The following LRRC8D variants were observed in gnomAD, a reference collection of about 807,000 sequenced individuals.
The protein encoded by LRRC8D is volume-regulated anion channel subunit LRRC8D.
LRRC8D carries 20 observed loss-of-function variants against 55.8 expected under a neutral mutation model. The observed-to-expected ratio is 0.36, with a 90% confidence interval of 0.25 to 0.52. The LOEUF is 0.52. Among genes scored for constraint, LRRC8D ranks in the 20% least tolerant of loss-of-function variants. LRRC8D has a pLI of 0.93. For synonymous variants in LRRC8D, 352 were observed against 377.0 expected (o/e 0.93, Z 0.77); for missense variants, 651 against 1,030.8 (o/e 0.63, Z 5.05).
At chr1:89,931,490 G>A (rs1663703943) in intron 2 of LRRC8D, among the ~76,000 whole-genome samples, 1 of 152,136 alleles carries the variant, frequency 6.6e-6, no homozygotes, top group Non-Finnish European at 1.5e-5. Flanking sequence ...GTTGGGTGTG[G>A]TGGCTCACAC....
Position 89,869,622 on chromosome 1 carries a change from C to T in LRRC8D, c.-3+25840C>T, listed in dbSNP as rs927004376. 3.3e-5 allele frequency among the ~76,000 whole-genome samples: 5 copies of T among 152,152 alleles called. 1 individual carries two copies. Among genetic ancestry groups the T allele is most frequent in the African/African-American group, 1.2e-4 (5 of 41,440 alleles). ...AAATACAGAGAACACCACAAAGATA[C>T]TCCTCAAGAAGAGCAACCACAAGAC... On this transcript the variant is annotated intron_variant, in intron 2 of 2. Transcript: ENST00000337338.
chr1:89,927,321 G>A (rs181691739), intron 2 of LRRC8D, among the ~76,000 whole-genome samples: 6 of 152,342 alleles, frequency 3.9e-5, no homozygotes, highest in Middle Eastern at 6.8e-3. Flanking sequence ...TTTTATTGAA[G>A]TGGAAGCCTG....
intron 1 of LRRC8D, among the ~76,000 whole-genome samples, chr1:89,834,350 G>A (rs564021880): frequency 1.3e-5 from 2 of 152,194 alleles, no homozygotes; most frequent in East Asian, 1.9e-4. Flanking sequence ...TATCATGTTA[G>A]TGCATTTCAG....
intron 2 of LRRC8D, among the ~76,000 whole-genome samples, chr1:89,915,794 A>G (rs527476052): frequency 1.8e-4 from 27 of 152,232 alleles, no homozygotes; most frequent in Non-Finnish European, 3.5e-4. Flanking sequence ...TATGCAAAAT[A>G]ATTTTTCAAA....
At chr1:89,895,709 T>C (rs1418619389) in intron 2 of LRRC8D, among the ~76,000 whole-genome samples, 1 of 152,224 alleles carries the variant, frequency 6.6e-6, no homozygotes, top group Admixed American at 6.5e-5. Flanking sequence ...GTAAGCTAAA[T>C]TATTTTTAGA....
At chr1:89,905,097 T>A (rs1662957362) in intron 2 of LRRC8D, among the ~76,000 whole-genome samples, 1 of 152,180 alleles carries the variant, frequency 6.6e-6, no homozygotes, top group Admixed American at 6.6e-5. Context: ...CATGCTGCCC[T>A]TCAGATTTAT....
chr1:89,916,584 C>A (rs1487457140), intron 2 of LRRC8D, among the ~76,000 whole-genome samples: 3 of 152,152 alleles, frequency 2.0e-5, no homozygotes, highest in Non-Finnish European at 4.4e-5. Flanking sequence ...TTTAAGTCTT[C>A]ATTACGCTTT....
chr1:89,870,103 G>A (rs890496383), intron 2 of LRRC8D, among the ~76,000 whole-genome samples: 18 of 151,668 alleles, frequency 1.2e-4, no homozygotes, highest in Non-Finnish European at 2.4e-4. Flanking sequence ...GCAAGACTCC[G>A]TCTCAAAAAA....
chr1:89,928,911 C>T (rs1663632754), intron 2 of LRRC8D, among the ~76,000 whole-genome samples: 1 of 152,118 alleles, frequency 6.6e-6, no homozygotes, highest in Non-Finnish European at 1.5e-5. Flanking sequence ...TTGCATAGAT[C>T]CAGGTTGCTT....
At chr1:89,900,411 C>T (rs1465569353) in intron 2 of LRRC8D, among the ~76,000 whole-genome samples, 1 of 150,412 alleles carries the variant, frequency 6.6e-6, no homozygotes, top group Admixed American at 6.6e-5. Context: ...AAAAAGTCAT[C>T]GTCTGTTTTC....
chr1:89,856,497 G>A (rs978621281), intron 2 of LRRC8D, among the ~76,000 whole-genome samples: 1 of 152,192 alleles, frequency 6.6e-6, no homozygotes, highest in African/African-American at 2.4e-5. Flanking sequence ...AGCAGTATAT[G>A]CCTGCAGTAT....
In LRRC8D at chr1:89,841,781, G is replaced by A. The variant is rs148677563; in HGVS notation, c.-147-1857G>A. On this transcript the variant is annotated intron_variant, in intron 1 of 2. Coordinates refer to ENST00000337338, the MANE Select transcript of LRRC8D (RefSeq NM_001134479.2). Reference sequence around the variant, plus strand: ...TGGAAAAAGCCAGTATCCTCTGCCCGAGAAATTAAGGTGTGTATTATTCAG... The same window carrying A: ...TGGAAAAAGCCAGTATCCTCTGCCCAAGAAATTAAGGTGTGTATTATTCAG... 3.7e-4 allele frequency among the ~76,000 whole-genome samples: 57 copies of A among 152,250 alleles called. 1 individual carries two copies. The East Asian group carries it at 7.2e-3, about 19-fold the overall frequency.
At chr1:89,897,508 A>T (rs941136711) in intron 2 of LRRC8D, among the ~76,000 whole-genome samples, 2 of 152,178 alleles carry the variant, frequency 1.3e-5, no homozygotes, top group African/African-American at 4.8e-5. Flanking sequence ...GAATTGGTAA[A>T]TATTCATGTG....
At chr1:89,857,369 C>T (rs376012167) in intron 2 of LRRC8D, among the ~76,000 whole-genome samples, 1,894 of 117,340 alleles carry the variant, frequency 0.016, 40 homozygotes, top group African/African-American at 0.061. Context: ...GCAACAAGAG[C>T]GAAACTCCAT....
intron 2 of LRRC8D, among the ~76,000 whole-genome samples, chr1:89,851,113 T>C (rs560943872): frequency 2.6e-5 from 4 of 152,198 alleles, no homozygotes; most frequent in East Asian, 3.9e-4. Flanking sequence ...TTAGCAGTTA[T>C]GGCTCCCTTT....
At chr1:89,888,906 TA>T (rs1198564829) in intron 2 of LRRC8D, among the ~76,000 whole-genome samples, 1 of 152,146 alleles carries the variant, frequency 6.6e-6, no homozygotes, top group Non-Finnish European at 1.5e-5. Context: ...AATCAATAAA[TA>T]AATGAGGGAA....
chr1:89,878,511 G>A (rs1245004007), intron 2 of LRRC8D, among the ~76,000 whole-genome samples: 1 of 152,222 alleles, frequency 6.6e-6, no homozygotes, highest in Non-Finnish European at 1.5e-5. Flanking sequence ...GTGTTTGAAT[G>A]TATCTGAGAT....
chr1:89,888,578 A>G (rs1009752557), intron 2 of LRRC8D, among the ~76,000 whole-genome samples: 15 of 152,232 alleles, frequency 9.9e-5, no homozygotes, highest in African/African-American at 3.4e-4. Flanking sequence ...AGCAACAAGC[A>G]TATCTGGCAT....
chr1:89,890,630 G>C (rs1325208590), intron 2 of LRRC8D, among the ~76,000 whole-genome samples: 1 of 152,120 alleles, frequency 6.6e-6, no homozygotes, highest in Non-Finnish European at 1.5e-5. Context: ...GACTTAAGAA[G>C]TCACAAAAAT....
Sources: gnomAD v4.1 joint callset for allele counts (sites outside exome capture counted in the v4.1 genomes callset) on GRCh38, gnomAD v4.1.1 for gene constraint, MANE v1.5 for transcripts, NCBI Gene and HGNC (gene_info 2026-07-23, HGNC 2026-07-21) for gene names.